Variants in WWOX observed in about 807,000 individuals in gnomAD.
The protein encoded by WWOX is WW domain-containing oxidoreductase.
In WWOX, 69 loss-of-function variants were observed where a neutral mutation model predicts 46.2. That is an observed-to-expected ratio of 1.49 (90% CI 1.23 to 1.82). The LOEUF (loss-of-function observed/expected upper bound fraction) is 1.82, where lower values mean the gene tolerates loss of function less well. WWOX is among the 40% of genes most tolerant of loss of function. WWOX has a pLI of 0.00. For missense variants in WWOX, 919 were observed against 542.6 expected (o/e 1.69, Z -6.89); for synonymous variants, 359 against 202.6 (o/e 1.77, Z -6.56).
intron 4 of WWOX, among the ~76,000 whole-genome samples, chr16:78,137,411 A>G (rs9933156): frequency 0.49 from 74,386 of 151,962 alleles, 18,412 homozygotes; most frequent in African/African-American, 0.58. Flanking sequence ...CCATGACGTC[A>G]GCATCACAGA....
At chr16:78,570,311 G>A (rs2044683060) in intron 8 of WWOX, among the ~76,000 whole-genome samples, 1 of 152,134 alleles carries the variant, frequency 6.6e-6, no homozygotes, top group Non-Finnish European at 1.5e-5. Context: ...AACATTGGTA[G>A]TAGATGAACT....
intron 4 of WWOX, among the ~76,000 whole-genome samples, chr16:78,130,309 G>A (rs915208825): frequency 4.6e-5 from 7 of 152,138 alleles, no homozygotes; most frequent in Admixed American, 1.3e-4. Context: ...AGGATAGAAA[G>A]GTAGCTAACT....
intron 8 of WWOX, among the ~76,000 whole-genome samples, chr16:79,122,014 T>A (rs1304091858): frequency 6.6e-6 from 1 of 152,050 alleles, no homozygotes; most frequent in Non-Finnish European, 1.5e-5. Context: ...AATACCAAGT[T>A]AAGAGCATTA....
At chr16:78,559,202 C>G (rs1200352631) in intron 8 of WWOX, among the ~76,000 whole-genome samples, 1 of 152,176 alleles carries the variant, frequency 6.6e-6, no homozygotes, top group East Asian at 1.9e-4. Flanking sequence ...ACAGAAAGCA[C>G]TGGGAGCGTT....
intron 8 of WWOX, among the ~76,000 whole-genome samples, chr16:78,921,995 C>T (rs933594614): frequency 6.6e-6 from 1 of 152,226 alleles, no homozygotes; most frequent in Non-Finnish European, 1.5e-5. Flanking sequence ...TGTGAAGCTT[C>T]TATTGTCCTC....
At chr16:78,541,219 A>G (rs889371234) in intron 8 of WWOX, among the ~76,000 whole-genome samples, 1 of 152,026 alleles carries the variant, frequency 6.6e-6, no homozygotes, top group African/African-American at 2.4e-5. Flanking sequence ...TCACGCCTGT[A>G]ATCCCAGCAC....
At position 78,422,756 on chromosome 16, in the gene WWOX, T is replaced by TATAC. The variant is rs1279632567; in HGVS notation, c.606-2113_606-2112insTACA. Among the ~76,000 whole-genome samples, 211 of 103,970 alleles carry TATAC rather than the reference T, an allele frequency of 2.0e-3. 5 individuals are homozygous for TATAC. The highest frequency in any genetic ancestry group is 4.2e-3 in the African/African-American group (63 of 15,104). 68.2% of individuals were successfully genotyped at this position (103,970 alleles called of 152,430 possible). A position where few individuals can be genotyped will look rare whatever the true frequency, so the allele number is the denominator to read the frequency against. ...ACACACACATATATATACACATATA[T>TATAC]ACACATATATATACACACATATATA... On this transcript the variant is annotated intron_variant, in intron 6 of 8. Transcript: ENST00000566780.
At chr16:78,409,170 T>C (rs982810452) in intron 6 of WWOX, among the ~76,000 whole-genome samples, 13 of 152,206 alleles carry the variant, frequency 8.5e-5, no homozygotes, top group African/African-American at 2.9e-4. Context: ...TCAGTGCTTT[T>C]AGAAATACAG....
intron 8 of WWOX, among the ~76,000 whole-genome samples, chr16:79,125,578 G>A (rs899054529): frequency 6.6e-6 from 1 of 152,002 alleles, no homozygotes; most frequent in African/African-American, 2.4e-5. Flanking sequence ...CATCCGTGTG[G>A]CAAATGTAGC....
chr16:79,003,628 A>G (rs926766365), intron 8 of WWOX, among the ~76,000 whole-genome samples: 27 of 152,094 alleles, frequency 1.8e-4, no homozygotes, highest in African/African-American at 6.5e-4. Flanking sequence ...CTTTTGTCAC[A>G]TGTCCAGGGC....
intron 5 of WWOX, among the ~76,000 whole-genome samples, chr16:78,218,417 T>C (rs2036790019): frequency 6.6e-6 from 1 of 152,080 alleles, no homozygotes; most frequent in South Asian, 2.1e-4. Flanking sequence ...TCTTTGACAA[T>C]TCATGTAAAT....
chr16:78,190,743 C>A (rs564484925), intron 5 of WWOX, among the ~76,000 whole-genome samples: 2 of 152,258 alleles, frequency 1.3e-5, no homozygotes, highest in East Asian at 3.9e-4. Flanking sequence ...ATGTGGATGT[C>A]CAACCTGAGC....
chr16:78,719,963 C>A (rs542247806), intron 8 of WWOX, among the ~76,000 whole-genome samples: 169 of 152,250 alleles, frequency 1.1e-3, no homozygotes, highest in African/African-American at 3.8e-3. Context: ...CTAAGCTAGT[C>A]TCAATTCAAT....
At chr16:78,143,889 A>C (rs1056923151) in intron 4 of WWOX, among the ~76,000 whole-genome samples, 8 of 151,606 alleles carry the variant, frequency 5.3e-5, no homozygotes, top group Non-Finnish European at 1.0e-4. Flanking sequence ...AGCTCACTTC[A>C]CGTTTCGGAT....
chr16:78,747,959 G>C (rs971346904), intron 8 of WWOX, among the ~76,000 whole-genome samples: 3 of 152,174 alleles, frequency 2.0e-5, no homozygotes, highest in Admixed American at 2.0e-4. Context: ...AAATAACCAT[G>C]CTTCTTAGTG....
chr16:78,547,154 A>AAAAAAC (rs2044059152), intron 8 of WWOX, among the ~76,000 whole-genome samples: 2 of 128,978 alleles, frequency 1.6e-5, no homozygotes, highest in African/African-American at 2.6e-5. Flanking sequence ...AAAAAAAAAA[A>AAAAAAC]AAAAACAACT....
intron 8 of WWOX, among the ~76,000 whole-genome samples, chr16:78,830,305 C>G (rs1345382375): frequency 1.1e-5 from 1 of 94,162 alleles, no homozygotes; most frequent in East Asian, 3.3e-4. Context: ...TCATAATAAG[C>G]ATATTTATAT....
intron 8 of WWOX, among the ~76,000 whole-genome samples, chr16:78,591,446 C>A (rs1243288403): frequency 1.3e-5 from 2 of 152,186 alleles, no homozygotes; most frequent in Non-Finnish European, 2.9e-5. Context: ...CTCACACTTT[C>A]CACTCTCTGC....
chr16:79,102,063 G>T (rs1421406980), intron 8 of WWOX, among the ~76,000 whole-genome samples: 3 of 128,234 alleles, frequency 2.3e-5, no homozygotes, highest in Admixed American at 7.7e-5. Context: ...TAGGGGGGAG[G>T]GGGGGAGGGG....
Sources: gnomAD v4.1 joint callset for allele counts (sites outside exome capture counted in the v4.1 genomes callset) on GRCh38, gnomAD v4.1.1 for gene constraint, MANE v1.5 for transcripts, NCBI Gene and HGNC (gene_info 2026-07-23, HGNC 2026-07-21) for gene names.